The following USH2A variants were observed in gnomAD, a reference collection of about 807,000 sequenced individuals.
USH2A encodes usherin.
Under a neutral mutation model 538.9 loss-of-function variants are expected in USH2A, and 443 were observed. The observed-to-expected ratio is 0.82, with a 90% CI of 0.76 to 0.89. The LOEUF (loss-of-function observed/expected upper bound fraction) is 0.89. Ranked by LOEUF, USH2A falls within the 40% of genes least tolerant of loss-of-function variation. USH2A has a pLI of 0.00. For synonymous variants in USH2A, 2,413 were observed against 2,273.5 expected, an observed-to-expected ratio of 1.06 and a Z score of -1.75; for missense variants, 6,633 against 6,324.8, an observed-to-expected ratio of 1.05 and a Z score of -1.65.
chr1:215,981,661 C>T (rs1667755319), intron 35 of USH2A, among the ~76,000 whole-genome samples: 1 of 152,076 alleles, frequency 6.6e-6, no homozygotes, highest in Admixed American at 6.5e-5. Context: ...AAGGAGTATA[C>T]CAAATCCAAA....
chr1:215,765,765 A>C (rs1661112166), intron 56 of USH2A, among the ~76,000 whole-genome samples: 1 of 152,160 alleles, frequency 6.6e-6, no homozygotes, highest in South Asian at 2.1e-4. Flanking sequence ...TTGTTCTTAT[A>C]AATTAATATA....
chr1:216,325,551 T>G lies in USH2A; in HGVS notation c.897A>C (p.Gln299His). 1 of 1,613,420 alleles carries G rather than the reference T, an allele frequency of 6.2e-7. No homozygotes were observed. The highest frequency in any genetic ancestry group is 8.5e-7 in the Non-Finnish European group (1 of 1,179,684). ...FSGDLLRLHA[Q>H]SHCRCPGSHP... is the part of the protein sequence containing the mutation. Reference sequence around the variant, plus strand: ...GGCTGCCAGGGCAACGGCAATGTGATTGGGCATGCAATCTGAGAAGATCTC... The same window carrying G: ...GGCTGCCAGGGCAACGGCAATGTGAGTGGGCATGCAATCTGAGAAGATCTC... Residue 299 changes from glutamine (Q) to histidine (H), a missense_variant, in exon 6 of 72, where the codon CAA becomes CAC. Coordinates refer to ENST00000307340, the MANE Select transcript of USH2A (RefSeq NM_206933.4).
chr1:216,401,619 A>G (rs2039306423), intron 3 of USH2A, among the ~76,000 whole-genome samples: 1 of 152,118 alleles, frequency 6.6e-6, no homozygotes, highest in South Asian at 2.1e-4. Flanking sequence ...ATATATCTGC[A>G]AACATTAATC....
intron 3 of USH2A, among the ~76,000 whole-genome samples, chr1:216,376,080 GA>G (rs1385861002): frequency 6.6e-6 from 1 of 151,970 alleles, no homozygotes; most frequent in Non-Finnish European, 1.5e-5. Context: ...ATAATGATTG[GA>G]AAAAAATTTA....
chr1:216,269,847 C>T (rs1419674900), intron 11 of USH2A, among the ~76,000 whole-genome samples: 2 of 152,070 alleles, frequency 1.3e-5, no homozygotes, highest in Admixed American at 1.3e-4. Context: ...ACAATTGTCA[C>T]AATGAGTTTG....
At chr1:215,980,342 C>A (rs1278402616) in intron 35 of USH2A, among the ~76,000 whole-genome samples, 1 of 152,108 alleles carries the variant, frequency 6.6e-6, no homozygotes, top group Non-Finnish European at 1.5e-5. Flanking sequence ...AGTGGTAGAG[C>A]TATGTGTCGG....
At position 216,209,475 on chromosome 1, in the gene USH2A, A is replaced by C. The variant is rs190516981; in HGVS notation, c.3158-2044T>G. ...GAACAGTAAAGTGAAGTTATTCTGCAAACTAAGCAAAGACTTCCACCCCAG... is the reference window on the plus strand; with the variant it reads ...GAACAGTAAAGTGAAGTTATTCTGCCAACTAAGCAAAGACTTCCACCCCAG... On this transcript the variant is annotated intron_variant, in intron 15 of 71. Transcript: ENST00000307340. 3.3e-4 allele frequency among the ~76,000 whole-genome samples: 50 copies of C among 152,356 alleles called. 1 individual carries two copies. The highest frequency in any genetic ancestry group is 1.5e-3 in the Admixed American group (23 of 15,308).
intron 3 of USH2A, among the ~76,000 whole-genome samples, chr1:216,392,317 T>C (rs1275402402): frequency 1.3e-5 from 2 of 151,696 alleles, no homozygotes; most frequent in Non-Finnish European, 2.9e-5. Flanking sequence ...ACTAACACGG[T>C]GAAACCCTGT....
intron 2 of USH2A, 131 bp from the exon 3 acceptor site, chr1:216,418,810 C>A (rs368485262): frequency 6.0e-6 from 5 of 840,042 alleles, no homozygotes; most frequent in South Asian, 3.0e-5. Context: ...TGAATAAGTG[C>A]CTGAATGTCA....
chr1:216,137,454 T>C (rs954277043), intron 21 of USH2A, among the ~76,000 whole-genome samples: 4 of 152,132 alleles, frequency 2.6e-5, no homozygotes, highest in Admixed American at 2.6e-4. Flanking sequence ...ATGAAATTTA[T>C]TCACTATCAT....
chr1:216,247,301 C>T (rs1281215098), intron 12 of USH2A, 75 bp from the exon 13 acceptor site: 82 of 1,567,168 alleles, frequency 5.2e-5, no homozygotes, highest in Non-Finnish European at 6.0e-5. Context: ...ACAAACAATG[C>T]TACTGCAGAT....
At position 215,691,876 on chromosome 1, in the gene USH2A, A is replaced by G. The variant is rs541690609; in HGVS notation, c.12067-11500T>C. ...AGTGAAGTCTAAGAAGTAGACTTGA[A>G]TGAGTCTAGGAATAGTCTAAGGAGA... On this transcript the variant is annotated intron_variant, in intron 61 of 71. Coordinates refer to ENST00000307340, the MANE Select transcript of USH2A (RefSeq NM_206933.4). Among the ~76,000 whole-genome samples the G allele has an allele frequency of 2.6e-5, 4 of 152,314 alleles. No individual in the cohort carries two copies. The South Asian group carries it at 8.3e-4, about 32-fold the overall frequency.
chr1:216,373,527 AT>A (rs1182019423), intron 3 of USH2A, among the ~76,000 whole-genome samples: 3 of 152,120 alleles, frequency 2.0e-5, no homozygotes, highest in African/African-American at 7.2e-5. Flanking sequence ...AGTACAAAGA[AT>A]TTTTTCTGAC....
In USH2A at chr1:215,845,963, AG is replaced by A. The variant is rs1263573781; in HGVS notation, c.8915del (p.Ser2972PhefsTer2). The A allele has an allele frequency of 6.2e-7, 1 of 1,613,764 alleles. No individual in the cohort carries two copies. The highest frequency in any genetic ancestry group is 8.5e-7 in the Non-Finnish European group (1 of 1,179,948). On this transcript the variant is annotated frameshift_variant, in exon 45 of 72. Transcript: ENST00000307340. LOFTEE classifies it high-confidence loss of function. ...LFWSSATSND[S>X]LKILPDVNSH... Reference sequence around the variant, plus strand: ...AGTTTACATCTGGCAAGATTTTTAGAGAGTCGTTTGAGGTAGCAGAACTCCA... The same window carrying A: ...AGTTTACATCTGGCAAGATTTTTAGAAGTCGTTTGAGGTAGCAGAACTCCA...
rs1027780755 is a variant in USH2A, at chr1:216,001,788, T to A, written c.6326-1226A>T. Among the ~76,000 whole-genome samples, 4 of 152,228 alleles carry A rather than the reference T, an allele frequency of 2.6e-5. No homozygotes were observed. In the South Asian group the frequency reaches 8.3e-4, roughly 32 times the overall value. ...AAACTGGGGAAAGAACACTTTGATT[T>A]TCATGCAAAGTACAATCAATTGGTT... On this transcript the variant is annotated intron_variant, in intron 32 of 71. Coordinates refer to ENST00000307340, the MANE Select transcript of USH2A (RefSeq NM_206933.4).
At chr1:215,650,547 T>G in intron 65 of USH2A, 45 bp downstream of exon 65, 1 of 1,609,716 alleles carries the variant, frequency 6.2e-7, no homozygotes, top group South Asian at 1.1e-5. Flanking sequence ...ATAGTAATGA[T>G]TTTTAAAAGT....
chr1:216,202,690 G>A lies in USH2A; in HGVS notation c.3317-2569C>T, dbSNP rs139471284. 1.9e-3 allele frequency among the ~76,000 whole-genome samples: 289 copies of A among 152,244 alleles called. 3 individuals are homozygous for A. Among genetic ancestry groups the A allele is most frequent in the African/African-American group, 6.6e-3 (276 of 41,542 alleles). On this transcript the variant is annotated intron_variant, in intron 16 of 71. Transcript: ENST00000307340. ...CTCCCCCATTGTACCACTTACCAAA[G>A]CTACATGGAACTGCCCATGATTGCT...
chr1:215,839,664 A>C (rs1663621984), intron 46 of USH2A, among the ~76,000 whole-genome samples: 1 of 152,182 alleles, frequency 6.6e-6, no homozygotes, highest in Non-Finnish European at 1.5e-5. Context: ...GAAATGTGCC[A>C]ATATGTTTTT....
Position 215,789,996 on chromosome 1 carries a change from T to C in USH2A, c.10182+63A>G, listed in dbSNP as rs928824817. The C allele has an allele frequency of 6.7e-6, 10 of 1,498,610 alleles. No homozygotes were observed. The East Asian group carries it at 1.6e-4, about 24-fold the overall frequency. 92.8% of individuals were successfully genotyped at this position (1,498,610 alleles called of 1,614,324 possible). A position where few individuals can be genotyped will look rare whatever the true frequency, so the allele number is the denominator to read the frequency against. ...TATTCCTATTTTAGAAAAATAGTTA[T>C]GAACAATGTATTTCTCTTTCCATTG... On this transcript the variant is annotated intron_variant, in intron 51 of 71. Coordinates refer to ENST00000307340, the MANE Select transcript of USH2A (RefSeq NM_206933.4).
Sources: allele counts gnomAD v4.1 joint callset (sites outside exome capture counted in the v4.1 genomes callset), GRCh38; gene constraint gnomAD v4.1.1; transcripts MANE v1.5; gene names NCBI Gene and HGNC (gene_info 2026-07-23, HGNC 2026-07-21).